Variants in STS observed in about 807,000 individuals in gnomAD.
STS encodes steryl-sulfatase.
In STS, 7 loss-of-function variants were observed where a neutral mutation model predicts 26.8. That is an observed-to-expected ratio of 0.26 (90% CI 0.15 to 0.49). STS has a LOEUF of 0.49. STS is among the 20% of genes least tolerant of loss of function. The pLI is 0.98. For missense variants in STS, 434 were observed against 465.6 expected (o/e 0.93, Z 0.63); for synonymous variants, 199 against 189.4 (o/e 1.05, Z -0.42).
rs142784159 is a variant in STS at position 7,207,752 on chromosome X, C to A, written c.-5+16744C>A. ...ATATTTTGTTATGTTTTTGTAAAATCATTCATAATTATAAACTGGTCAGGA... is the reference window on the plus strand; with the variant it reads ...ATATTTTGTTATGTTTTTGTAAAATAATTCATAATTATAAACTGGTCAGGA... On this transcript the variant is annotated intron_variant, in intron 2 of 10. Coordinates refer to ENST00000674429, the MANE Select transcript of STS (RefSeq NM_001320752.2). Among the ~76,000 whole-genome samples the A allele has an allele frequency of 9.1e-3, 1,020 of 112,171 alleles. 6 individuals are homozygous for A. Among genetic ancestry groups the A allele is most frequent in the Middle Eastern group, 0.028 (6 of 215 alleles).
intron 3 of STS, among the ~76,000 whole-genome samples, chrX:7,255,605 T>C (rs1405412009): frequency 1.8e-5 from 2 of 111,845 alleles, no homozygotes; most frequent in East Asian, 5.6e-4. Flanking sequence ...GGTCTCTGTA[T>C]TAGAGTCCCA....
rs993300294 is a variant in STS at position 7,353,572 on chromosome X, G to A, written c.*3311G>A. ...GCTGCTTTGCTCTACAAATACCTGG[G>A]GCAGAAATTTGATTTGAAAAGTATT... On this transcript the variant is annotated 3_prime_UTR_variant, in exon 11 of 11. Transcript: ENST00000674429. 1 of 110,639 alleles carries A rather than the reference G, an allele frequency of 9.0e-6. No individual in the cohort carries two copies. Among genetic ancestry groups the A allele is most frequent in the Admixed American group, 9.7e-5 (1 of 10,334 alleles). The allele number at this position is 110,639 out of a possible 1,213,427, so 9.1% of individuals were successfully genotyped here. A position where few individuals can be genotyped will look rare whatever the true frequency, so the allele number is the denominator to read the frequency against.
At chrX:7,156,520 C>T (rs1933139121) in intron 1 of STS, among the ~76,000 whole-genome samples, 1 of 111,339 alleles carries the variant, frequency 9.0e-6, no homozygotes, top group Non-Finnish European at 1.9e-5. Context: ...TAAACAATAA[C>T]ATTTGGAAGC....
At chrX:7,272,496 C>T (rs1924329860) in intron 6 of STS, among the ~76,000 whole-genome samples, 1 of 111,682 alleles carries the variant, frequency 9.0e-6, no homozygotes, top group South Asian at 3.7e-4. Flanking sequence ...GCAGAGGAAT[C>T]CTTGCTCTAG....
intron 2 of STS, among the ~76,000 whole-genome samples, chrX:7,198,579 G>T (rs980905421): frequency 9.0e-6 from 1 of 111,555 alleles, no homozygotes; most frequent in Non-Finnish European, 1.9e-5. Flanking sequence ...ATTTTTTTCC[G>T]GAAAAGGCTG....
intron 1 of STS, among the ~76,000 whole-genome samples, chrX:7,163,757 A>G (rs1933294976): frequency 8.9e-6 from 1 of 112,757 alleles, no homozygotes; most frequent in Non-Finnish European, 1.9e-5. Context: ...ACCAACTAAC[A>G]TAAAACTAAC....
chrX:7,281,020 G>T (rs763881511), intron 7 of STS, among the ~76,000 whole-genome samples: 99 of 111,973 alleles, frequency 8.8e-4, no homozygotes, highest in Non-Finnish European at 1.4e-3. Context: ...ACAAAACTTA[G>T]CCAGGCATGG....
chrX:7,226,620 A>G (rs1921816706), intron 2 of STS, among the ~76,000 whole-genome samples: 2 of 111,793 alleles, frequency 1.8e-5, no homozygotes, highest in Middle Eastern at 4.6e-3. Context: ...GGGGCCAGGA[A>G]CGGTGGCTCA....
At chrX:7,322,557 C>T (rs1461125103) in intron 8 of STS, among the ~76,000 whole-genome samples, 3 of 111,684 alleles carry the variant, frequency 2.7e-5, no homozygotes, top group Non-Finnish European at 3.8e-5. Context: ...TGCGCCACCA[C>T]GCCTGGCTAA....
intron 2 of STS, among the ~76,000 whole-genome samples, chrX:7,199,811 C>T (rs1295762923): frequency 9.0e-6 from 1 of 110,740 alleles, no homozygotes; most frequent in East Asian, 2.8e-4. Context: ...AGGCCCAGAC[C>T]AGTTATTCTG....
At chrX:7,323,979 A>T (rs1306600237) in intron 8 of STS, among the ~76,000 whole-genome samples, 2 of 111,067 alleles carry the variant, frequency 1.8e-5, no homozygotes, top group Admixed American at 1.9e-4. Flanking sequence ...AAAGAGTCAG[A>T]CTCTGTAAAA....
intron 8 of STS, among the ~76,000 whole-genome samples, chrX:7,321,106 G>A (rs1365566697): frequency 8.9e-6 from 1 of 111,886 alleles, no homozygotes; most frequent in Non-Finnish European, 1.9e-5. Flanking sequence ...AAAAGAATGA[G>A]ATCCTGTCCT....
chrX:7,305,731 A>G (rs752895836), intron 8 of STS, among the ~76,000 whole-genome samples: 7 of 111,081 alleles, frequency 6.3e-5, no homozygotes, highest in Non-Finnish European at 1.3e-4. Flanking sequence ...CTGTCTTCAA[A>G]CCTCCGTGTC....
chrX:7,176,878 AT>A (rs775255834), intron 1 of STS, among the ~76,000 whole-genome samples: 6 of 111,797 alleles, frequency 5.4e-5, no homozygotes, highest in Non-Finnish European at 1.1e-4. Flanking sequence ...AACCATATCA[AT>A]AGGTGAGCCC....
At chrX:7,325,241 T>G in intron 8 of STS, 98 bp from the exon 9 acceptor site, 1 of 891,272 alleles carries the variant, frequency 1.1e-6, no homozygotes. Context: ...ATTAGAGCAG[T>G]TGGTTCTTCT....
intron 10 of STS, among the ~76,000 whole-genome samples, chrX:7,344,830 T>A (rs1928454161): frequency 9.0e-6 from 1 of 111,270 alleles, no homozygotes; most frequent in Non-Finnish European, 1.9e-5. Flanking sequence ...GCGCGCAGTG[T>A]CTTTACTTGT....
intron 7 of STS, among the ~76,000 whole-genome samples, chrX:7,281,470 C>A (rs1033869793): frequency 3.6e-5 from 4 of 111,690 alleles, no homozygotes; most frequent in African/African-American, 1.3e-4. Flanking sequence ...GAGAACCAAC[C>A]TGGAGGAAAA....
At chrX:7,225,621 C>T (rs182765477) in intron 2 of STS, among the ~76,000 whole-genome samples, 1 of 111,058 alleles carries the variant, frequency 9.0e-6, no homozygotes, top group Non-Finnish European at 1.9e-5. Context: ...GACTCCCAGA[C>T]AGGAAGCAGG....
intron 2 of STS, among the ~76,000 whole-genome samples, chrX:7,206,533 G>A (rs949181066): frequency 7.4e-4 from 83 of 111,623 alleles, no homozygotes; most frequent in African/African-American, 2.5e-3. Flanking sequence ...ATATGACATT[G>A]CTGATAGTTA....
Sources: gnomAD v4.1 joint callset for allele counts (sites outside exome capture counted in the v4.1 genomes callset) on GRCh38, gnomAD v4.1.1 for gene constraint, MANE v1.5 for transcripts, NCBI Gene and HGNC (gene_info 2026-07-23, HGNC 2026-07-21) for gene names.